Variants in VSNL1 observed in about 807,000 individuals in gnomAD.
The protein encoded by VSNL1 is visinin like 1, also known as visinin-like protein 1.
Under a neutral mutation model 20.4 loss-of-function variants are expected in VSNL1, and 6 were observed. That is an observed-to-expected ratio of 0.29 (90% CI 0.16 to 0.58). The LOEUF (loss-of-function observed/expected upper bound fraction) is 0.58, where lower values mean the gene tolerates loss of function less well. Ranked by LOEUF, VSNL1 falls within the 20% of genes least tolerant of loss-of-function variation. The probability of loss-of-function intolerance (pLI) is 0.90; values close to 1 mark genes in which losing one functional copy is unlikely to be tolerated. For missense variants in VSNL1, 100 were observed against 234.5 expected, an observed-to-expected ratio of 0.43 and a Z score of 3.75; for synonymous variants, 93 against 86.4, an observed-to-expected ratio of 1.08 and a Z score of -0.42.
intron 2 of VSNL1, among the ~76,000 whole-genome samples, chr2:17,614,712 TC>T (rs1665175322): frequency 6.6e-6 from 1 of 152,228 alleles, no homozygotes; most frequent in Non-Finnish European, 1.5e-5. Context: ...CTAAGGCAAT[TC>T]AAATATTTGC....
At chr2:17,579,264 C>T (rs892698396) in intron 1 of VSNL1, among the ~76,000 whole-genome samples, 4 of 152,050 alleles carry the variant, frequency 2.6e-5, no homozygotes, top group Non-Finnish European at 4.4e-5. Context: ...TACAGGTGCC[C>T]GCCACCACGC....
chr2:17,615,292 T>C (rs941054985), intron 2 of VSNL1, among the ~76,000 whole-genome samples: 11 of 152,242 alleles, frequency 7.2e-5, no homozygotes, highest in African/African-American at 2.4e-4. Flanking sequence ...TTTTTATTTT[T>C]TTGTCACTTA....
intron 1 of VSNL1, among the ~76,000 whole-genome samples, chr2:17,585,247 T>C (rs756321395): frequency 6.6e-6 from 1 of 152,064 alleles, no homozygotes; most frequent in Non-Finnish European, 1.5e-5. Flanking sequence ...AGACACATCA[T>C]GAAATGCCAG....
At chr2:17,628,773 C>A (rs1458579739) in intron 2 of VSNL1, among the ~76,000 whole-genome samples, 1 of 152,210 alleles carries the variant, frequency 6.6e-6, no homozygotes, top group Non-Finnish European at 1.5e-5. Context: ...CTGGCCTGAG[C>A]TCAGCCACCT....
At chr2:17,609,023 A>C (rs1010408752) in intron 2 of VSNL1, among the ~76,000 whole-genome samples, 34 of 152,140 alleles carry the variant, frequency 2.2e-4, no homozygotes, top group African/African-American at 8.2e-4. Flanking sequence ...TATTCAGTTC[A>C]TTGATGTGGG....
rs187799236 is a variant in VSNL1, at chr2:17,623,970, G to C, written c.163-25440G>C. ...AAATATCTGTTAGATTCATAGTGTC[G>C]CTAGCTACAACTTAAGGTAGTGTAG... is the stretch of plus-strand genomic sequence containing the variant. On this transcript the variant is annotated intron_variant, in intron 2 of 3. Transcript: ENST00000295156. 2.7e-3 allele frequency among the ~76,000 whole-genome samples: 406 copies of C among 152,312 alleles called. 5 individuals are homozygous for C. In the South Asian group the frequency reaches 0.045, roughly 17 times the overall value.
intron 1 of VSNL1, among the ~76,000 whole-genome samples, chr2:17,585,163 G>A (rs1188051436): frequency 6.6e-6 from 1 of 152,144 alleles, no homozygotes; most frequent in Non-Finnish European, 1.5e-5. Flanking sequence ...AGGAGATTCA[G>A]GTTTTGAGGT....
At position 17,649,839 on chromosome 2, in the gene VSNL1, C is replaced by T. The variant is rs974065496; in HGVS notation, c.378+214C>T. Among the ~76,000 whole-genome samples, 1 of 152,222 alleles carries T rather than the reference C, an allele frequency of 6.6e-6. No homozygotes were observed. Among genetic ancestry groups the T allele is most frequent in the Non-Finnish European group, 1.5e-5 (1 of 68,040 alleles). On this transcript the variant is annotated intron_variant, in intron 3 of 3. Coordinates refer to ENST00000295156, the MANE Select transcript of VSNL1 (RefSeq NM_003385.5). This position sits in a 1 kb window ranked among gnomAD's most constrained non-coding sequence, Gnocchi z 6.4. ...GGGGCCCGTACTGTCGTGACGGTGG[C>T]ATTGTCATCTGCCATTCACTCACTA...
intron 1 of VSNL1, among the ~76,000 whole-genome samples, chr2:17,559,314 G>A (rs1046734109): frequency 6.6e-6 from 1 of 151,598 alleles, no homozygotes; most frequent in South Asian, 2.1e-4. Flanking sequence ...AAAACTAGAA[G>A]CTTCTGCCGT....
intron 1 of VSNL1, among the ~76,000 whole-genome samples, chr2:17,555,602 A>G (rs186086180): frequency 7.2e-5 from 11 of 152,282 alleles, no homozygotes; most frequent in Non-Finnish European, 1.5e-5. Flanking sequence ...TCTATACCTA[A>G]ATAGTCCTCA....
intron 2 of VSNL1, among the ~76,000 whole-genome samples, chr2:17,604,588 A>G (rs1166767194): frequency 2.0e-5 from 3 of 152,242 alleles, no homozygotes; most frequent in African/African-American, 7.2e-5. Flanking sequence ...TTCCGGGTAA[A>G]AACAGTAACA....
intron 1 of VSNL1, among the ~76,000 whole-genome samples, chr2:17,544,966 C>G (rs1027909563): frequency 2.6e-5 from 4 of 152,114 alleles, no homozygotes; most frequent in African/African-American, 9.7e-5. Context: ...GTCACCTAAT[C>G]CATCCCTCCA....
chr2:17,548,071 T>C (rs897672567), intron 1 of VSNL1, among the ~76,000 whole-genome samples: 2 of 152,154 alleles, frequency 1.3e-5, no homozygotes, highest in Non-Finnish European at 2.9e-5. Flanking sequence ...AATCATTCAA[T>C]GTGTGTCTGT....
intron 2 of VSNL1, among the ~76,000 whole-genome samples, chr2:17,616,120 C>T (rs2103397733): frequency 6.6e-6 from 1 of 152,360 alleles, no homozygotes; most frequent in Admixed American, 6.5e-5. Flanking sequence ...TTCCTCACTG[C>T]TGTGGTCTGT....
rs77457287 is a variant in VSNL1 at position 17,634,567 on chromosome 2, G to A, written c.163-14843G>A. Among the ~76,000 whole-genome samples the A allele has an allele frequency of 9.9e-3, 1,514 of 152,314 alleles. 12 individuals are homozygous for A. Among genetic ancestry groups the A allele is most frequent in the Non-Finnish European group, 0.015 (1,029 of 68,030 alleles). ...CCTGCGATGTGTTTGTTGTACAAAT[G>A]AGGCTGAGGCAAAGCTTAGCTGTGC... On this transcript the variant is annotated intron_variant, in intron 2 of 3. Transcript: ENST00000295156. This position sits in a 1 kb window ranked among gnomAD's most constrained non-coding sequence, Gnocchi z 4.3.
At chr2:17,630,379 C>T (rs892796778) in intron 2 of VSNL1, among the ~76,000 whole-genome samples, 1 of 152,212 alleles carries the variant, frequency 6.6e-6, no homozygotes, top group African/African-American at 2.4e-5. Context: ...TGGCAGTTCA[C>T]ACTGCAGAAG....
At chr2:17,598,604 T>G (rs1489542684) in intron 2 of VSNL1, among the ~76,000 whole-genome samples, 1 of 152,236 alleles carries the variant, frequency 6.6e-6, no homozygotes, top group Non-Finnish European at 1.5e-5. Flanking sequence ...CCTGGAAGTA[T>G]GTTTAAATAG....
chr2:17,577,411 T>G (rs1664241585), intron 1 of VSNL1, among the ~76,000 whole-genome samples: 2 of 152,200 alleles, frequency 1.3e-5, no homozygotes. Context: ...CACTTATAAA[T>G]TATATTTCCT....
chr2:17,555,625 A>G (rs558610066), intron 1 of VSNL1, among the ~76,000 whole-genome samples: 1 of 152,308 alleles, frequency 6.6e-6, no homozygotes, highest in African/African-American at 2.4e-5. Flanking sequence ...GAACATTGTT[A>G]GGTGCTTTAA....
Sources: allele counts gnomAD v4.1 joint callset (sites outside exome capture counted in the v4.1 genomes callset), GRCh38; gene constraint gnomAD v4.1.1; non-coding constraint Gnocchi (gnomAD v3.1); transcripts MANE v1.5; gene names NCBI Gene and HGNC (gene_info 2026-07-23, HGNC 2026-07-21).